Variants in SNX29 observed in about 807,000 individuals in gnomAD.
SNX29 encodes the protein sorting nexin-29.
SNX29 carries 78 observed loss-of-function variants against 102.1 expected under a neutral mutation model. That is an observed-to-expected ratio of 0.76 (90% CI 0.64 to 0.92). SNX29 has a LOEUF of 0.92. SNX29 is among the 40% of genes least tolerant of loss of function. SNX29 has a pLI of 0.00. For missense variants in SNX29, 1,280 were observed against 1,061.7 expected, an observed-to-expected ratio of 1.21 and a Z score of -2.86; for synonymous variants, 580 against 414.5, an observed-to-expected ratio of 1.40 and a Z score of -4.85.
At chr16:12,016,494 T>C (rs2056853078) in intron 3 of SNX29, among the ~76,000 whole-genome samples, 2 of 152,196 alleles carry the variant, frequency 1.3e-5, no homozygotes, top group African/African-American at 2.4e-5. Flanking sequence ...TTTGCATAGT[T>C]AGTTTTATCT....
intron 20 of SNX29, among the ~76,000 whole-genome samples, chr16:12,529,017 T>A (rs2141161884): frequency 6.6e-6 from 1 of 152,370 alleles, no homozygotes; most frequent in East Asian, 1.9e-4. Flanking sequence ...CGTGTCCATA[T>A]TTCACTGTGT....
intron 19 of SNX29, among the ~76,000 whole-genome samples, chr16:12,495,042 C>A (rs894438547): frequency 2.0e-5 from 3 of 152,226 alleles, no homozygotes; most frequent in Non-Finnish European, 4.4e-5. Context: ...ACCCCTGAAG[C>A]CTTCAAGCTC....
intron 15 of SNX29, among the ~76,000 whole-genome samples, chr16:12,314,892 C>G (rs972646632): frequency 6.6e-6 from 1 of 152,194 alleles, no homozygotes; most frequent in Non-Finnish European, 1.5e-5. Flanking sequence ...TGTCTCCTAC[C>G]GGGAGGCCTG....
rs188393717 is a variant in SNX29 at position 12,075,580 on chromosome 16, G to T, written c.1320-3253G>T. Among the ~76,000 whole-genome samples the T allele has an allele frequency of 1.4e-3, 211 of 152,348 alleles. 1 individual carries two copies. Among genetic ancestry groups the T allele is most frequent in the African/African-American group, 4.6e-3 (191 of 41,588 alleles). ...AGGTGTCAGTCTGCCCCTACTGGGG[G>T]ATGCCTCCGAGTTAGGCTGCTCAGG... On this transcript the variant is annotated intron_variant, in intron 10 of 20. Coordinates refer to ENST00000566228, the MANE Select transcript of SNX29 (RefSeq NM_032167.5).
intron 20 of SNX29, among the ~76,000 whole-genome samples, chr16:12,567,274 G>A (rs185517190): frequency 1.1e-4 from 17 of 150,888 alleles, no homozygotes; most frequent in Admixed American, 9.2e-4. Context: ...GGGTCCAGTG[G>A]ATCCAGGACT....
chr16:12,004,360 T>C (rs2056386962), intron 3 of SNX29, among the ~76,000 whole-genome samples: 1 of 151,288 alleles, frequency 6.6e-6, no homozygotes, highest in East Asian at 1.9e-4. Flanking sequence ...AAAAAATTCC[T>C]AAAAATGGCC....
At chr16:12,509,455 C>G (rs758098723) in intron 19 of SNX29, among the ~76,000 whole-genome samples, 6 of 152,178 alleles carry the variant, frequency 3.9e-5, no homozygotes, top group Non-Finnish European at 8.8e-5. Flanking sequence ...AATTCCACAG[C>G]TCAGTCTTGG....
chr16:12,180,676 G>A (rs1431818708), intron 13 of SNX29, among the ~76,000 whole-genome samples: 2 of 152,058 alleles, frequency 1.3e-5, no homozygotes, highest in East Asian at 1.9e-4. Flanking sequence ...TAGTAGAGAC[G>A]GGGTTTCACC....
intron 14 of SNX29, among the ~76,000 whole-genome samples, chr16:12,205,599 G>C (rs1017908112): frequency 6.6e-6 from 1 of 152,152 alleles, no homozygotes; most frequent in Non-Finnish European, 1.5e-5. Context: ...ATGCAGGGAC[G>C]CTCTTCCCTG....
chr16:12,568,017 A>C (rs1244395356), intron 20 of SNX29, among the ~76,000 whole-genome samples: 1 of 152,108 alleles, frequency 6.6e-6, no homozygotes, highest in African/African-American at 2.4e-5. Context: ...CATGCCAAAC[A>C]ACCTTTTAAC....
At chr16:12,541,584 C>A (rs1314762186) in intron 20 of SNX29, among the ~76,000 whole-genome samples, 2 of 152,164 alleles carry the variant, frequency 1.3e-5, no homozygotes, top group African/African-American at 2.4e-5. Flanking sequence ...CCATGCCAGA[C>A]CTCAACCCTG....
intron 19 of SNX29, among the ~76,000 whole-genome samples, chr16:12,506,869 C>G (rs74009109): frequency 0.011 from 1,662 of 144,740 alleles, 33 homozygotes; most frequent in African/African-American, 0.039. Context: ...TTTCAAATCT[C>G]TTTCCTCAGG....
chr16:12,076,882 A>G (rs1398662827), intron 10 of SNX29, among the ~76,000 whole-genome samples: 2 of 152,182 alleles, frequency 1.3e-5, no homozygotes, highest in East Asian at 1.9e-4. Flanking sequence ...TCTCAAAATG[A>G]CATTGCTTGT....
At chr16:12,555,293 TGTCCA>T (rs1243931422) in intron 20 of SNX29, among the ~76,000 whole-genome samples, 1 of 151,368 alleles carries the variant, frequency 6.6e-6, no homozygotes, top group Admixed American at 6.6e-5. Flanking sequence ...GCAGGGGTGC[TGTCCA>T]GTCAATCCCT....
At chr16:11,981,812 G>T (rs929153944) in intron 1 of SNX29, among the ~76,000 whole-genome samples, 4 of 152,182 alleles carry the variant, frequency 2.6e-5, no homozygotes, top group African/African-American at 7.2e-5. Context: ...AACCTAGTGT[G>T]CTGTGGACAC....
chr16:12,185,255 G>C (rs1881345267), intron 13 of SNX29, among the ~76,000 whole-genome samples: 1 of 152,158 alleles, frequency 6.6e-6, no homozygotes, highest in South Asian at 2.1e-4. Flanking sequence ...GGAGTGGGGA[G>C]GGATCTTTGG....
intron 13 of SNX29, among the ~76,000 whole-genome samples, chr16:12,180,857 C>T (rs542881469): frequency 6.6e-6 from 1 of 152,164 alleles, no homozygotes; most frequent in African/African-American, 2.4e-5. Context: ...GCAGAGCTCT[C>T]TCTCCTGTGG....
intron 16 of SNX29, among the ~76,000 whole-genome samples, chr16:12,369,369 C>T (rs564242977): frequency 6.6e-6 from 1 of 152,226 alleles, no homozygotes; most frequent in South Asian, 2.1e-4. Flanking sequence ...CTCCTGGCCT[C>T]AAGTGATCGA....
At chr16:11,980,717 C>T (rs778630678) in intron 1 of SNX29, among the ~76,000 whole-genome samples, 16 of 152,050 alleles carry the variant, frequency 1.1e-4, no homozygotes, top group East Asian at 1.9e-4. Context: ...GGTATTTCTT[C>T]GTAGTTTTGA....
Sources: gnomAD v4.1 joint callset for allele counts (sites outside exome capture counted in the v4.1 genomes callset) on GRCh38, gnomAD v4.1.1 for gene constraint, MANE v1.5 for transcripts, NCBI Gene and HGNC (gene_info 2026-07-23, HGNC 2026-07-21) for gene names.